XRCC5: variants seen among roughly 807,000 people sequenced by gnomAD.
The protein encoded by XRCC5 is X-ray repair cross complementing 5, also known as DNA repair protein Ku80.
Under a neutral mutation model 95.7 loss-of-function variants are expected in XRCC5, and 12 were observed. The ratio of observed to expected loss-of-function variants is 0.13; its 90% CI spans 0.08 to 0.20. XRCC5 has a LOEUF of 0.20. Ranked by LOEUF, XRCC5 falls within the 10% of genes least tolerant of loss-of-function variation. XRCC5 has a pLI of 1.00. For missense variants in XRCC5, 595 were observed against 873.9 expected (o/e 0.68, Z 4.02); for synonymous variants, 281 against 290.3 (o/e 0.97, Z 0.33).
intron 13 of XRCC5, among the ~76,000 whole-genome samples, chr2:216,143,998 A>G (rs951371154): frequency 6.6e-6 from 1 of 152,068 alleles, no homozygotes; most frequent in African/African-American, 2.4e-5. Flanking sequence ...TGCAGGCGTG[A>G]GCCACTGCAC....
At chr2:216,131,583 G>C (rs544943505) in intron 9 of XRCC5, among the ~76,000 whole-genome samples, 2 of 152,164 alleles carry the variant, frequency 1.3e-5, no homozygotes, top group Non-Finnish European at 2.9e-5. Context: ...TTAAGGGGGT[G>C]GGGGGAGAGA....
At chr2:216,156,401 A>T (rs997028432) in intron 14 of XRCC5, 2 of 805,564 alleles carry the variant, frequency 2.5e-6, no homozygotes, top group African/African-American at 1.7e-5. Flanking sequence ...GTGCTTGGCA[A>T]CAAGTCTGCT....
At chr2:216,159,943 C>G in intron 14 of XRCC5, 125 bp from the exon 15 acceptor site, 1 of 563,158 alleles carries the variant, frequency 1.8e-6, no homozygotes, top group Non-Finnish European at 3.0e-6. Flanking sequence ...TTTTCTTCTT[C>G]ATTATTTTTC....
Position 216,205,339 on chromosome 2 carries a change from A to G in XRCC5, c.*137A>G. The G allele has an allele frequency of 4.1e-6, 4 of 974,190 alleles. No homozygotes were observed. Among genetic ancestry groups the G allele is most frequent in the Non-Finnish European group, 6.6e-6 (4 of 602,006 alleles). The allele number at this position is 974,190 out of a possible 1,614,324, so 60.3% of individuals were successfully genotyped here. ...CCAGCAGGTTACCTGGAGGCGGATC[A>G]TCTAATTCTCTGTGGAATGAATACA... On this transcript the variant is annotated 3_prime_UTR_variant, in exon 21 of 21. Transcript: ENST00000392132.
chr2:216,162,127 C>G, intron 16 of XRCC5, 79 bp downstream of exon 16: 2 of 1,363,744 alleles, frequency 1.5e-6, no homozygotes, highest in Non-Finnish European at 2.1e-6. Flanking sequence ...GAACTGTAGC[C>G]TTTTGTTGTA....
chr2:216,111,004 C>T lies in XRCC5; in HGVS notation c.21+1547C>T, dbSNP rs1327264501. Among the ~76,000 whole-genome samples, 7 of 152,262 alleles carry T rather than the reference C, an allele frequency of 4.6e-5. No homozygotes were observed. In the East Asian group the frequency reaches 1.4e-3, roughly 29 times the overall value. On this transcript the variant is annotated intron_variant, in intron 1 of 20. Transcript: ENST00000392132. Reference sequence around the variant, plus strand: ...TCATGTGTTGCCTGAGATATAACCACATTTAGAAATCATCTATAACTTCCC... The same window carrying T: ...TCATGTGTTGCCTGAGATATAACCATATTTAGAAATCATCTATAACTTCCC...
intron 16 of XRCC5, chr2:216,175,928 C>A: frequency 2.6e-6 from 1 of 383,350 alleles, no homozygotes. Flanking sequence ...TTTTCTCAGC[C>A]GCGCTGGATT....
intron 16 of XRCC5, among the ~76,000 whole-genome samples, chr2:216,168,173 G>GA (rs1689089979): frequency 6.6e-6 from 1 of 152,148 alleles, no homozygotes; most frequent in Non-Finnish European, 1.5e-5. Flanking sequence ...TTAAGGTGTT[G>GA]TTCATCTTTC....
At chr2:216,186,509 C>T (rs1689495137) in intron 16 of XRCC5, among the ~76,000 whole-genome samples, 1 of 152,162 alleles carries the variant, frequency 6.6e-6, no homozygotes, top group African/African-American at 2.4e-5. Context: ...ATTTAAGATA[C>T]TGGGTTAGTA....
intron 19 of XRCC5, among the ~76,000 whole-genome samples, chr2:216,199,711 C>T (rs969676147): frequency 6.6e-6 from 1 of 151,690 alleles, no homozygotes; most frequent in African/African-American, 2.4e-5. Context: ...AGTAAGTCAC[C>T]GGCCAGGAAT....
In XRCC5 at chr2:216,127,458, A is replaced by T. The variant is rs1030659622; in HGVS notation, c.799-78A>T. 2.0e-6 allele frequency: 3 copies of T among 1,482,126 alleles called. No individual in the cohort carries two copies. In the African/African-American group the frequency reaches 4.2e-5, roughly 21 times the overall value. The allele number at this position is 1,482,126 out of a possible 1,614,324, so 91.8% of individuals were successfully genotyped here. Reference sequence around the variant, plus strand: ...TGTTCTGGATTTTTGTCTGTGCCAGAGAGTGTATTAGGTTTTCATCTTCTA... The same window carrying T: ...TGTTCTGGATTTTTGTCTGTGCCAGTGAGTGTATTAGGTTTTCATCTTCTA... On this transcript the variant is annotated intron_variant, in intron 7 of 20. Transcript: ENST00000392132.
intron 6 of XRCC5, among the ~76,000 whole-genome samples, chr2:216,123,546 T>C: frequency 6.6e-6 from 1 of 152,126 alleles, no homozygotes; most frequent in African/African-American, 2.4e-5. Context: ...TGGCTTATGC[T>C]TGTAATTCCA....
At chr2:216,135,474 A>C (rs1697059740) in intron 10 of XRCC5, among the ~76,000 whole-genome samples, 1 of 152,150 alleles carries the variant, frequency 6.6e-6, no homozygotes, top group Admixed American at 6.5e-5. Flanking sequence ...GTCAGGGAAG[A>C]GATGGATTTG....
At chr2:216,192,600 C>T in intron 17 of XRCC5, 39 bp from the exon 18 acceptor site, 1 of 1,477,974 alleles carries the variant, frequency 6.8e-7, no homozygotes, top group Non-Finnish European at 9.2e-7. Flanking sequence ...TGTGTTTGCT[C>T]TGACTTGCTG....
chr2:216,133,697 G>T (rs1697028040), intron 10 of XRCC5, among the ~76,000 whole-genome samples: 1 of 152,152 alleles, frequency 6.6e-6, no homozygotes, highest in African/African-American at 2.4e-5. Context: ...GGATCACTTT[G>T]AGATAACTCA....
At chr2:216,181,390 C>A (rs1689383720) in intron 16 of XRCC5, among the ~76,000 whole-genome samples, 1 of 152,100 alleles carries the variant, frequency 6.6e-6, no homozygotes. Context: ...CCATTCAGTC[C>A]CCCATTCAAG....
At chr2:216,132,073 A>G (rs546157323) in intron 9 of XRCC5, among the ~76,000 whole-genome samples, 19 of 152,202 alleles carry the variant, frequency 1.2e-4, no homozygotes, top group Non-Finnish European at 2.6e-4. Flanking sequence ...ATATTTATCT[A>G]TTGAAGCTCC....
At position 216,203,772 on chromosome 2, in the gene XRCC5, A is replaced by G. The variant is rs947604858; in HGVS notation, c.2110-550A>G. 2.0e-5 allele frequency among the ~76,000 whole-genome samples: 3 copies of G among 150,064 alleles called. No homozygotes were observed. The Admixed American group carries it at 2.0e-4, about 10-fold the overall frequency. ...ACCTTCCAAGCTCACTCATTTTTGC[A>G]TTTCACGTTTCTTATGAGAAGTCCC... On this transcript the variant is annotated intron_variant, in intron 19 of 20. Transcript: ENST00000392132.
intron 17 of XRCC5, among the ~76,000 whole-genome samples, chr2:216,190,990 C>T (rs1392318622): frequency 2.0e-5 from 3 of 152,036 alleles, no homozygotes; most frequent in Admixed American, 6.5e-5. Context: ...AAATACTTGG[C>T]GAACGTATGA....
Sources: gnomAD v4.1 joint callset for allele counts (sites outside exome capture counted in the v4.1 genomes callset) on GRCh38, gnomAD v4.1.1 for gene constraint, MANE v1.5 for transcripts, NCBI Gene and HGNC (gene_info 2026-07-23, HGNC 2026-07-21) for gene names.